EPHB2: variants seen among roughly 807,000 people sequenced by gnomAD.
The protein encoded by EPHB2 is EPH receptor B2, also known as ephrin type-B receptor 2.
Under a neutral mutation model 96.4 loss-of-function variants are expected in EPHB2, and 18 were observed. The observed-to-expected ratio is 0.19, with a 90% CI of 0.13 to 0.28. The LOEUF is 0.28. Ranked by LOEUF, EPHB2 falls within the 10% of genes least tolerant of loss-of-function variation. EPHB2 has a pLI of 1.00. For missense variants in EPHB2, 989 were observed against 1,355.4 expected, an observed-to-expected ratio of 0.73 and a Z score of 4.25; for synonymous variants, 506 against 534.1, an observed-to-expected ratio of 0.95 and a Z score of 0.72.
chr1:22,778,018 G>GTTTGT (rs746412581), intron 1 of EPHB2, among the ~76,000 whole-genome samples: 2 of 152,074 alleles, frequency 1.3e-5, no homozygotes, highest in African/African-American at 2.4e-5. Context: ...TTGTTTGTTT[G>GTTTGT]TTTGTTTTGT....
chr1:22,893,499 G>T (rs1270338227), intron 7 of EPHB2, among the ~76,000 whole-genome samples: 2 of 152,218 alleles, frequency 1.3e-5, no homozygotes, highest in African/African-American at 4.8e-5. Context: ...GTCTGCTCCA[G>T]GCAAGGGAAT....
At chr1:22,781,283 GCACTC>G (rs1644527362) in intron 1 of EPHB2, 133 bp from the exon 2 acceptor site, 1 of 800,022 alleles carries the variant, frequency 1.2e-6, no homozygotes, top group African/African-American at 1.8e-5. Context: ...TCACACCACT[GCACTC>G]CAGCCTGGGC....
chr1:22,873,164 G>C (rs1056185433), intron 5 of EPHB2, among the ~76,000 whole-genome samples: 1 of 152,210 alleles, frequency 6.6e-6, no homozygotes, highest in African/African-American at 2.4e-5. Flanking sequence ...TAGCTAGCTG[G>C]GGAGTCTCAG....
chr1:22,716,161 C>A (rs902094174), intron 1 of EPHB2, among the ~76,000 whole-genome samples: 2 of 152,176 alleles, frequency 1.3e-5, no homozygotes, highest in Admixed American at 1.3e-4. Context: ...GGAAAATACT[C>A]AGATTCCTAG....
chr1:22,840,726 G>T (rs1006902438), intron 3 of EPHB2, among the ~76,000 whole-genome samples: 1 of 152,182 alleles, frequency 6.6e-6, no homozygotes, highest in Non-Finnish European at 1.5e-5. Flanking sequence ...CTCCCGAAGT[G>T]CTGGGATTAC....
chr1:22,806,624 G>T (rs1309350989), intron 3 of EPHB2, among the ~76,000 whole-genome samples: 1 of 152,172 alleles, frequency 6.6e-6, no homozygotes, highest in Non-Finnish European at 1.5e-5. Flanking sequence ...CTTGGCTCCT[G>T]CCGCCCCTAT....
At chr1:22,804,893 C>T (rs754452880) in intron 3 of EPHB2, among the ~76,000 whole-genome samples, 2 of 151,962 alleles carry the variant, frequency 1.3e-5, no homozygotes, top group Admixed American at 6.6e-5. Flanking sequence ...TCTCTCTCCC[C>T]GTCTCTCTAG....
chr1:22,806,954 C>T (rs1330087883), intron 3 of EPHB2, among the ~76,000 whole-genome samples: 3 of 152,230 alleles, frequency 2.0e-5, no homozygotes, highest in African/African-American at 7.2e-5. Flanking sequence ...ATCAGCACTC[C>T]GGCTGCAGCA....
At chr1:22,743,948 C>G (rs1474660570) in intron 1 of EPHB2, among the ~76,000 whole-genome samples, 1 of 152,186 alleles carries the variant, frequency 6.6e-6, no homozygotes, top group Non-Finnish European at 1.5e-5. Context: ...TGACGCTGTT[C>G]TTATCTGAAC....
At chr1:22,756,113 C>T (rs1308737359) in intron 1 of EPHB2, among the ~76,000 whole-genome samples, 5 of 146,582 alleles carry the variant, frequency 3.4e-5, no homozygotes, top group South Asian at 2.4e-4. Context: ...GCTTCTGGGG[C>T]GGGGATGGGC....
At chr1:22,756,439 G>T (rs971216326) in intron 1 of EPHB2, among the ~76,000 whole-genome samples, 1 of 152,154 alleles carries the variant, frequency 6.6e-6, no homozygotes. Flanking sequence ...ACCCGGCCCT[G>T]ACCCTGAGTC....
In EPHB2 at chr1:22,860,935, G is replaced by A. The variant is rs1365717000; in HGVS notation, c.812-2102G>A. On this transcript the variant is annotated intron_variant, in intron 3 of 15. Coordinates refer to ENST00000374630, the MANE Select transcript of EPHB2 (RefSeq NM_017449.5). This position sits in a 1 kb window ranked among gnomAD's most constrained non-coding sequence, Gnocchi z 4.6. ...GTGCCCAAGAGGAAGGCGAGAGGGAGGGCAGGACGACTCAGGGGACCCAGA... is the reference window on the plus strand; with the variant it reads ...GTGCCCAAGAGGAAGGCGAGAGGGAAGGCAGGACGACTCAGGGGACCCAGA... Among the ~76,000 whole-genome samples, 1 of 152,150 alleles carries A rather than the reference G, an allele frequency of 6.6e-6. No homozygotes were observed. Among genetic ancestry groups the A allele is most frequent in the Non-Finnish European group, 1.5e-5 (1 of 68,036 alleles).
intron 9 of EPHB2, among the ~76,000 whole-genome samples, chr1:22,899,193 C>CAA (rs34967134): frequency 6.2e-4 from 71 of 115,162 alleles, no homozygotes; most frequent in African/African-American, 2.1e-3. Flanking sequence ...AACGCCATCT[C>CAA]AAAAAAAAAA....
At chr1:22,763,489 G>T (rs1186014907) in intron 1 of EPHB2, among the ~76,000 whole-genome samples, 1 of 152,006 alleles carries the variant, frequency 6.6e-6, no homozygotes, top group Non-Finnish European at 1.5e-5. Flanking sequence ...TGGAGGTGGG[G>T]TGGCTCCCCT....
chr1:22,765,857 C>T (rs974476131), intron 1 of EPHB2, among the ~76,000 whole-genome samples: 10 of 152,170 alleles, frequency 6.6e-5, no homozygotes, highest in Non-Finnish European at 1.0e-4. Flanking sequence ...CCTGGGAACC[C>T]GCCACTGGCC....
intron 3 of EPHB2, among the ~76,000 whole-genome samples, chr1:22,848,074 G>T (rs953203337): frequency 6.6e-6 from 1 of 152,210 alleles, no homozygotes; most frequent in Admixed American, 6.5e-5. Flanking sequence ...TTGAGAAACA[G>T]CTTGTTGAGT....
At chr1:22,757,987 C>T (rs1002666656) in intron 1 of EPHB2, among the ~76,000 whole-genome samples, 5 of 145,082 alleles carry the variant, frequency 3.4e-5, no homozygotes, top group Admixed American at 2.8e-4. Context: ...GGCGCGATCT[C>T]GGCTCACTGC....
At chr1:22,725,152 A>G (rs940169930) in intron 1 of EPHB2, among the ~76,000 whole-genome samples, 4 of 152,106 alleles carry the variant, frequency 2.6e-5, no homozygotes, top group African/African-American at 9.7e-5. Flanking sequence ...ATTCTCATCC[A>G]TGCTGGTTGG....
chr1:22,772,284 C>G (rs1486440355), intron 1 of EPHB2, among the ~76,000 whole-genome samples: 1 of 152,120 alleles, frequency 6.6e-6, no homozygotes, highest in Non-Finnish European at 1.5e-5. Context: ...AGGCAGGGGA[C>G]AGAGCAGAGG....
Sources: gnomAD v4.1 joint callset for allele counts (sites outside exome capture counted in the v4.1 genomes callset) on GRCh38, gnomAD v4.1.1 for gene constraint, Gnocchi (gnomAD v3.1) non-coding constraint, MANE v1.5 for transcripts, NCBI Gene and HGNC (gene_info 2026-07-23, HGNC 2026-07-21) for gene names.